Variants in GP6 observed in about 807,000 individuals in gnomAD.
GP6 encodes platelet glycoprotein VI.
A neutral mutation model predicts 37.3 loss-of-function variants in GP6; 45 were observed. That is an observed-to-expected ratio of 1.21 (90% CI 0.95 to 1.55). The LOEUF (loss-of-function observed/expected upper bound fraction) is 1.55, where lower values mean the gene tolerates loss of function less well. GP6 is among the 40% of genes most tolerant of loss of function. The pLI, the probability that GP6 is intolerant of heterozygous loss-of-function variation, is 0.00. For synonymous variants in GP6, 340 were observed against 316.4 expected, an observed-to-expected ratio of 1.07 and a Z score of -0.79; for missense variants, 813 against 760.2, an observed-to-expected ratio of 1.07 and a Z score of -0.82.
chr19:55,025,064 C>T (rs570112444), intron 5 of GP6, among the ~76,000 whole-genome samples, 154 bp downstream of exon 5: 9 of 152,252 alleles, frequency 5.9e-5, no homozygotes, highest in Non-Finnish European at 1.3e-4. Flanking sequence ...GGACACCCAC[C>T]CTGTTTACAG....
chr19:55,024,297 CAT>C (rs1160511258), intron 5 of GP6, among the ~76,000 whole-genome samples: 1 of 71,166 alleles, frequency 1.4e-5, no homozygotes, highest in East Asian at 7.3e-4. Context: ...CATATGCACG[CAT>C]GCACACACAT....
intron 1 of GP6, chr19:55,032,864 TGG>T (rs1568640102): frequency 2.2e-6 from 1 of 457,112 alleles, no homozygotes; most frequent in Non-Finnish European, 3.9e-6. Flanking sequence ...TTAGACACGG[TGG>T]GCTCGTTCGT....
intron 4 of GP6, 97 bp downstream of exon 4, chr19:55,027,481 C>A (rs2074347936): frequency 3.3e-6 from 3 of 922,492 alleles, no homozygotes; most frequent in African/African-American, 3.2e-5. Flanking sequence ...GGGCTTCCTG[C>A]CCTCCCACTT....
chr19:55,032,505 C>A lies in GP6; in HGVS notation c.67+1G>T, dbSNP rs2074604571. On this transcript the variant is annotated splice_donor_variant, in intron 2 of 7. Transcript: ENST00000310373. LOFTEE classifies it high-confidence loss of function. The stretch of plus-strand genomic sequence containing the variant: ...GGGAAGGGGTCTGGGGAAGGACTCA[C>A]CACTCTGCGCTGGCACACGCCCCAG... 2 of 1,613,860 alleles carry A rather than the reference C, an allele frequency of 1.2e-6. No homozygotes were observed. The highest frequency in any genetic ancestry group is 1.7e-6 in the Non-Finnish European group (2 of 1,179,972).
intron 5 of GP6, among the ~76,000 whole-genome samples, chr19:55,021,318 CGCACCACTGCACT>C (rs2074074030): frequency 6.7e-6 from 1 of 148,494 alleles, no homozygotes; most frequent in South Asian, 2.1e-4. Context: ...GAGCCGAGAT[CGCACCACTGCACT>C]CCAGCATGGG....
intron 3 of GP6, among the ~76,000 whole-genome samples, chr19:55,030,666 AAAT>A (rs1411546848): frequency 1.1e-3 from 156 of 146,494 alleles, no homozygotes; most frequent in African/African-American, 3.8e-3. Context: ...TAAAAAAAAT[AAAT>A]AAATAAGAAA....
At chr19:55,021,846 T>C (rs1033455667) in intron 5 of GP6, among the ~76,000 whole-genome samples, 3 of 152,206 alleles carry the variant, frequency 2.0e-5, no homozygotes, top group Non-Finnish European at 4.4e-5. Flanking sequence ...TAATCGCCAT[T>C]TTGACTGGTG....
At chr19:55,034,071 T>C (rs1225856263) in intron 1 of GP6, among the ~76,000 whole-genome samples, 2 of 151,968 alleles carry the variant, frequency 1.3e-5, no homozygotes, top group Non-Finnish European at 2.9e-5. Context: ...TAAACCTACA[T>C]CTATACATAC....
Position 55,019,873 on chromosome 19 carries a change from T to TTTCA in GP6, c.665-1166_665-1163dup, listed in dbSNP as rs1317231342. On this transcript the variant is annotated intron_variant, in intron 5 of 7. Coordinates refer to ENST00000310373, the MANE Select transcript of GP6 (RefSeq NM_001083899.2). The stretch of plus-strand genomic sequence containing the variant: ...TTTTGTATTTTCAGTAGAGATGGGG[T>TTTCA]TTCACCGTGTTAGCCAGGATGGTCT... Among the ~76,000 whole-genome samples, 31 of 151,636 alleles carry TTTCA rather than the reference T, an allele frequency of 2.0e-4. 1 individual carries two copies. Among genetic ancestry groups the TTTCA allele is most frequent in the Admixed American group, 1.8e-3 (28 of 15,176 alleles).
chr19:55,031,429 G>A (rs542681225), intron 3 of GP6, among the ~76,000 whole-genome samples: 1 of 152,110 alleles, frequency 6.6e-6, no homozygotes, highest in Non-Finnish European at 1.5e-5. Flanking sequence ...CCTGGGCAGT[G>A]TAGCAAGACC....
intron 4 of GP6, among the ~76,000 whole-genome samples, chr19:55,025,886 C>A (rs1478950879): frequency 6.6e-6 from 1 of 150,702 alleles, no homozygotes; most frequent in African/African-American, 2.4e-5. Flanking sequence ...CCTGTAATCC[C>A]ATCTACTCAG....
At position 55,015,740 on chromosome 19, in the gene GP6, A is replaced by T. The variant is rs766395116; in HGVS notation, c.725-7T>A. On this transcript the variant is annotated splice_region_variant and splice_polypyrimidine_tract_variant and intron_variant, in intron 6 of 7. Transcript: ENST00000310373. ...GTGATACTCCTAGAAGTCTCTGGGA[A>T]CCAAACAAAGGCTAAGTGTGAAATG... The T allele has an allele frequency of 3.3e-6, 5 of 1,512,128 alleles. No individual in the cohort carries two copies. The highest frequency in any genetic ancestry group is 4.6e-6 in the Non-Finnish European group (5 of 1,086,288). The allele number at this position is 1,512,128 out of a possible 1,614,324, so 93.7% of individuals were successfully genotyped here. A position where few individuals can be genotyped will look rare whatever the true frequency, so the allele number is the denominator to read the frequency against.
Position 55,027,627 on chromosome 19 carries a change from G to T in GP6, c.561C>A (p.Asp187Glu). 6.2e-7 allele frequency: 1 copy of T among 1,613,706 alleles called. No individual in the cohort carries two copies. The highest frequency in any genetic ancestry group is 8.5e-7 in the Non-Finnish European group (1 of 1,179,592). ...CGCTGGGGGCTGACCACAGGTATGG[G>T]TCCCTGCTGGAGAAGCTGTAGCATC... Residue 187 changes from aspartate (D) to glutamate (E), a missense_variant, in exon 4 of 8, where the codon GAC (aspartate) becomes GAA (glutamate). Coordinates refer to ENST00000310373, the MANE Select transcript of GP6 (RefSeq NM_001083899.2).
intron 3 of GP6, among the ~76,000 whole-genome samples, chr19:55,030,459 C>T (rs2074516883): frequency 6.6e-6 from 1 of 152,176 alleles, no homozygotes; most frequent in African/African-American, 2.4e-5. Flanking sequence ...CTGCCTCAGC[C>T]TCCGGAGTAG....
intron 5 of GP6, among the ~76,000 whole-genome samples, chr19:55,024,342 G>GCACATGCACA (rs1555798950): frequency 3.3e-4 from 6 of 17,918 alleles, no homozygotes; most frequent in African/African-American, 5.1e-4. Context: ...ACGCACACAC[G>GCACATGCACA]CACATGCACG....
At chr19:55,028,807 G>T (rs915406150) in intron 3 of GP6, among the ~76,000 whole-genome samples, 1 of 152,184 alleles carries the variant, frequency 6.6e-6, no homozygotes, top group African/African-American at 2.4e-5. Flanking sequence ...ATAGACCGGT[G>T]TGGTGATGCA....
At chr19:55,033,723 A>G (rs1273566897) in intron 1 of GP6, among the ~76,000 whole-genome samples, 6 of 152,130 alleles carry the variant, frequency 3.9e-5, no homozygotes, top group Admixed American at 2.0e-4. Context: ...TGCATATTGT[A>G]TATTATTGTA....
chr19:55,023,848 A>G (rs1476423775), intron 5 of GP6, among the ~76,000 whole-genome samples: 5 of 152,196 alleles, frequency 3.3e-5, no homozygotes, highest in Non-Finnish European at 5.9e-5. Context: ...ACGGTTGCAT[A>G]CTGGATGATC....
intron 3 of GP6, among the ~76,000 whole-genome samples, chr19:55,030,362 TC>T (rs34209133): frequency 6.7e-6 from 1 of 150,254 alleles, no homozygotes; most frequent in African/African-American, 2.4e-5. Context: ...TTTTTTTTTT[TC>T]CCAAGACGGA....
Sources: allele counts gnomAD v4.1 joint callset (sites outside exome capture counted in the v4.1 genomes callset), GRCh38; gene constraint gnomAD v4.1.1; transcripts MANE v1.5; gene names NCBI Gene and HGNC (gene_info 2026-07-23, HGNC 2026-07-21).